ANGPT4: variants seen among roughly 807,000 people sequenced by gnomAD.
The protein encoded by ANGPT4 is angiopoietin-4.
ANGPT4 carries 50 observed loss-of-function variants against 53.0 expected under a neutral mutation model. The observed-to-expected ratio is 0.94, with a 90% CI of 0.75 to 1.20. The LOEUF is 1.20. Among genes scored for constraint, ANGPT4 ranks in the 50% most tolerant of loss-of-function variants. The pLI is 0.00. For synonymous variants in ANGPT4, 251 were observed against 259.7 expected (o/e 0.97, Z 0.32); for missense variants, 648 against 637.1 (o/e 1.02, Z -0.18).
rs1376252563 is a variant in ANGPT4, at chr20:872,791, T to G, written c.*169A>C. On this transcript the variant is annotated 3_prime_UTR_variant, in exon 9 of 9. Coordinates refer to ENST00000381922, the MANE Select transcript of ANGPT4 (RefSeq NM_015985.4). ...CCTCCATGTCACAGACGGAGGGGAG[T>G]TGGGGGGCAGATGACCCTTCTGGAC... 25 of 590,348 alleles carry G rather than the reference T, an allele frequency of 4.2e-5. No homozygotes were observed. Among genetic ancestry groups the G allele is most frequent in the East Asian group, 7.1e-5 (2 of 28,014 alleles). The allele number at this position is 590,348 out of a possible 1,614,324, so 36.6% of individuals were successfully genotyped here.
chr20:905,601 A>G (rs552989766), intron 1 of ANGPT4, among the ~76,000 whole-genome samples: 2 of 152,238 alleles, frequency 1.3e-5, no homozygotes, highest in South Asian at 4.1e-4. Context: ...GGCAGGAAGG[A>G]GGGTTCCCAG....
At chr20:913,978 G>A (rs1982815925) in intron 1 of ANGPT4, among the ~76,000 whole-genome samples, 1 of 152,190 alleles carries the variant, frequency 6.6e-6, no homozygotes, top group Non-Finnish European at 1.5e-5. Flanking sequence ...GGAGGTGTTG[G>A]GGGAGATCCA....
rs1980967434 is a variant in ANGPT4, at chr20:872,196, C to A, written c.*764G>T. 6.6e-6 allele frequency: 1 copy of A among 152,264 alleles called. No individual in the cohort carries two copies. The highest frequency in any genetic ancestry group is 1.5e-5 in the Non-Finnish European group (1 of 68,116). The allele number at this position is 152,264 out of a possible 1,614,324, so 9.4% of individuals were successfully genotyped here. ...TCACTTTGACTTAACCTGCTGTTTC[C>A]TTTTCTCATTGCTCATAGGTACTTT... On this transcript the variant is annotated 3_prime_UTR_variant, in exon 9 of 9. Transcript: ENST00000381922.
At chr20:889,814 T>G (rs1600053052) in intron 2 of ANGPT4, among the ~76,000 whole-genome samples, 1 of 152,204 alleles carries the variant, frequency 6.6e-6, no homozygotes, top group Admixed American at 6.5e-5. Flanking sequence ...CACTAGTTCC[T>G]TCCCTGCTCT....
chr20:910,402 G>C (rs1982651467), intron 1 of ANGPT4, among the ~76,000 whole-genome samples: 1 of 152,090 alleles, frequency 6.6e-6, no homozygotes, highest in Non-Finnish European at 1.5e-5. Context: ...CTTTAGAGAG[G>C]AGCCAATTGA....
Position 872,807 on chromosome 20 carries a change from C to T in ANGPT4, c.*153G>A. On this transcript the variant is annotated 3_prime_UTR_variant, in exon 9 of 9. Coordinates refer to ENST00000381922, the MANE Select transcript of ANGPT4 (RefSeq NM_015985.4). ...GGAGGGGAGTTGGGGGGCAGATGAC[C>T]CTTCTGGACTTCTGGGTCAAGGAGG... 1 of 922,358 alleles carries T rather than the reference C, an allele frequency of 1.1e-6. No homozygotes were observed. Among genetic ancestry groups the T allele is most frequent in the African/African-American group, 1.7e-5 (1 of 60,334 alleles). 57.1% of individuals were successfully genotyped at this position (922,358 alleles called of 1,614,324 possible).
At chr20:874,540 C>A in intron 7 of ANGPT4, 126 bp from the exon 8 acceptor site, 1 of 1,320,926 alleles carries the variant, frequency 7.6e-7, no homozygotes, top group Non-Finnish European at 1.0e-6. Context: ...CTTGGAGGGA[C>A]AGCCCCAGCC....
chr20:882,372 A>G (rs1981443021), intron 4 of ANGPT4, among the ~76,000 whole-genome samples: 1 of 152,164 alleles, frequency 6.6e-6, no homozygotes, highest in Non-Finnish European at 1.5e-5. Flanking sequence ...TGGGGCTAAA[A>G]TTCCAGATGG....
Position 873,001 on chromosome 20 carries a change from G to C in ANGPT4, c.1471C>G (p.Leu491Val). The part of the protein sequence containing the change: ...WHYFKGPSYS[L>V]RASRMMIRPL... ...CGTATCATCATGCGAGAGGCACGCA[G>C]TGAGTAGCTGGGGCCCTTGAAGTAG... Residue 491 changes from leucine (L) to valine (V), a missense_variant, in exon 9 of 9, where the codon CTG becomes GTG. By Grantham distance (32) the Leu-to-Val change is conservative. Coordinates refer to ENST00000381922, the MANE Select transcript of ANGPT4 (RefSeq NM_015985.4). 1 of 1,614,146 alleles carries C rather than the reference G, an allele frequency of 6.2e-7. No homozygotes were observed. Among genetic ancestry groups the C allele is most frequent in the Non-Finnish European group, 8.5e-7 (1 of 1,180,030 alleles).
rs1347027712 is a variant in ANGPT4 at position 912,185 on chromosome 20, G to A, written c.309+3721C>T. Reference sequence around the variant, plus strand: ...AGAAGGCAGAGTATGGCACTTCTTGGATGGGACACCTGGGGCAACTGGGGG... The same window carrying A: ...AGAAGGCAGAGTATGGCACTTCTTGAATGGGACACCTGGGGCAACTGGGGG... On this transcript the variant is annotated intron_variant, in intron 1 of 8. Transcript: ENST00000381922. 6.6e-5 allele frequency among the ~76,000 whole-genome samples: 10 copies of A among 152,340 alleles called. No individual in the cohort carries two copies. In the South Asian group the frequency reaches 1.9e-3, roughly 28 times the overall value.
intron 4 of ANGPT4, among the ~76,000 whole-genome samples, chr20:883,302 A>G (rs114885664): frequency 0.012 from 1,761 of 152,358 alleles, 36 homozygotes; most frequent in African/African-American, 0.04. Flanking sequence ...AGCCTGCATG[A>G]ACAATCGCTG....
At chr20:905,928 C>T (rs1484512923) in intron 1 of ANGPT4, among the ~76,000 whole-genome samples, 5 of 152,304 alleles carry the variant, frequency 3.3e-5, no homozygotes, top group African/African-American at 9.6e-5. Context: ...GAAAGGAAGG[C>T]ATTGAGAAGA....
chr20:916,223 G>C lies in ANGPT4; in HGVS notation c.-9C>G, dbSNP rs201487067. 1.2e-6 allele frequency: 2 copies of C among 1,609,256 alleles called. No individual in the cohort carries two copies. Among genetic ancestry groups the C allele is most frequent in the African/African-American group, 1.3e-5 (1 of 75,008 alleles). On this transcript the variant is annotated 5_prime_UTR_variant, in exon 1 of 9. Coordinates refer to ENST00000381922, the MANE Select transcript of ANGPT4 (RefSeq NM_015985.4). ...GCTAGCTGGGAGAGCATCTGAAGATGTGTCAATGGCGAGGGATGTCTGCTC... is the reference window on the plus strand; with the variant it reads ...GCTAGCTGGGAGAGCATCTGAAGATCTGTCAATGGCGAGGGATGTCTGCTC...
At chr20:888,012 CCCAGCCCCGTATCCACTCT>C (rs1336182396) in intron 3 of ANGPT4, among the ~76,000 whole-genome samples, 1 of 152,106 alleles carries the variant, frequency 6.6e-6, no homozygotes, top group Non-Finnish European at 1.5e-5. Flanking sequence ...TGGCTCCTAG[CCCAGCCCCGTATCCACTCT>C]CATTTCCAGC....
intron 1 of ANGPT4, among the ~76,000 whole-genome samples, chr20:898,707 C>T (rs768427082): frequency 1.6e-4 from 24 of 152,302 alleles, no homozygotes; most frequent in African/African-American, 5.5e-4. Flanking sequence ...TGCAATTACT[C>T]GCCTCTGCTG....
chr20:876,160 A>T (rs1027702448), intron 7 of ANGPT4, among the ~76,000 whole-genome samples: 1 of 151,612 alleles, frequency 6.6e-6, no homozygotes, highest in African/African-American at 2.4e-5. Context: ...AAAAAAAAAA[A>T]AAAAAGAAGG....
chr20:915,599 T>G (rs1982898567), intron 1 of ANGPT4, among the ~76,000 whole-genome samples: 1 of 152,110 alleles, frequency 6.6e-6, no homozygotes, highest in African/African-American at 2.4e-5. Flanking sequence ...CCCCTACTAG[T>G]CCAGAGGGAG....
intron 1 of ANGPT4, among the ~76,000 whole-genome samples, chr20:913,780 G>A (rs1370534822): frequency 6.6e-6 from 1 of 152,234 alleles, no homozygotes; most frequent in Non-Finnish European, 1.5e-5. Flanking sequence ...AGAAGCCTAG[G>A]CCACAGGATG....
At position 891,808 on chromosome 20, in the gene ANGPT4, C is replaced by G. The variant is rs372306412; in HGVS notation, c.310-1440G>C. Among the ~76,000 whole-genome samples the G allele has an allele frequency of 1.5e-3, 235 of 152,322 alleles. 5 individuals carry two copies. Among genetic ancestry groups the G allele is most frequent in the African/African-American group, 5.5e-3 (227 of 41,584 alleles). ...CAAGTTCCATTATCACATCCTGGAG[C>G]GGGTGCTTGTGGGCGGTAGTAGTAC... On this transcript the variant is annotated intron_variant, in intron 1 of 8. Transcript: ENST00000381922.
Sources: allele counts gnomAD v4.1 joint callset (sites outside exome capture counted in the v4.1 genomes callset), GRCh38; gene constraint gnomAD v4.1.1; transcripts MANE v1.5; gene names NCBI Gene and HGNC (gene_info 2026-07-23, HGNC 2026-07-21).